The following RTTN variants were observed in gnomAD, a reference collection of about 807,000 sequenced individuals.
The protein encoded by RTTN is rotatin.
RTTN carries 182 observed loss-of-function variants against 269.2 expected under a neutral mutation model. That is an observed-to-expected ratio of 0.68 (90% CI 0.60 to 0.76). The LOEUF is 0.76. Among genes scored for constraint, RTTN ranks in the 30% least tolerant of loss-of-function variants. The pLI is 0.00. For missense variants in RTTN, 2,545 were observed against 2,608.6 expected (o/e 0.98, Z 0.53); for synonymous variants, 1,006 against 963.5 (o/e 1.04, Z -0.82).
chr18:70,203,216 T>C (rs1400467245), intron 3 of RTTN, among the ~76,000 whole-genome samples: 1 of 151,956 alleles, frequency 6.6e-6, no homozygotes, highest in Non-Finnish European at 1.5e-5. Context: ...TTTTTTTTTT[T>C]CGAGATGGAG....
intron 17 of RTTN, among the ~76,000 whole-genome samples, chr18:70,147,970 T>C (rs1453767282): frequency 6.6e-6 from 1 of 152,152 alleles, no homozygotes; most frequent in Non-Finnish European, 1.5e-5. Flanking sequence ...CCCTCTGCCC[T>C]ACTTCTTCCT....
At chr18:70,052,342 C>G (rs1241629800) in intron 38 of RTTN, among the ~76,000 whole-genome samples, 1 of 152,140 alleles carries the variant, frequency 6.6e-6, no homozygotes, top group Non-Finnish European at 1.5e-5. Flanking sequence ...TGTTTCTCAA[C>G]CCTTTTGTCA....
At chr18:70,134,627 G>T in intron 22 of RTTN, 86 bp from the exon 23 acceptor site, 1 of 830,250 alleles carries the variant, frequency 1.2e-6, no homozygotes, top group Non-Finnish European at 2.0e-6. Flanking sequence ...TCACTTCGTT[G>T]ACTGCAAATG....
chr18:70,161,870 A>T (rs573864778), intron 14 of RTTN, among the ~76,000 whole-genome samples: 4 of 152,234 alleles, frequency 2.6e-5, no homozygotes, highest in Non-Finnish European at 5.9e-5. Flanking sequence ...GGTTGGAGAG[A>T]AAAGGGAACA....
At chr18:70,054,586 C>A (rs936060899) in intron 37 of RTTN, among the ~76,000 whole-genome samples, 7 of 152,130 alleles carry the variant, frequency 4.6e-5, no homozygotes, top group Non-Finnish European at 8.8e-5. Context: ...TAATGCCAGT[C>A]CTTTGAGAGG....
chr18:70,032,766 T>C (rs1192478723), intron 40 of RTTN, among the ~76,000 whole-genome samples: 3 of 152,154 alleles, frequency 2.0e-5, no homozygotes, highest in Non-Finnish European at 4.4e-5. Context: ...ATTAGACAGA[T>C]AATCCAGGCA....
At chr18:70,026,152 T>C (rs2056846400) in intron 43 of RTTN, among the ~76,000 whole-genome samples, 1 of 152,242 alleles carries the variant, frequency 6.6e-6, no homozygotes, top group Non-Finnish European at 1.5e-5. Context: ...GATGATTCTA[T>C]TGAGGCCGCT....
At chr18:70,038,871 CAG>C (rs2057255253) in intron 40 of RTTN, among the ~76,000 whole-genome samples, 2 of 152,156 alleles carry the variant, frequency 1.3e-5, no homozygotes, top group Admixed American at 6.5e-5. Context: ...ATAAATTTAA[CAG>C]AGAGATTTAA....
At position 70,168,914 on chromosome 18, in the gene RTTN, C is replaced by T. The variant is rs1440303011; in HGVS notation, c.1630G>A (p.Ala544Thr). Residue 544 changes from alanine (A) to threonine (T), a missense_variant, in exon 12 of 49, where the codon GCA (alanine) becomes ACA (threonine). By Grantham distance (58) the Ala-to-Thr change is moderately conservative. Coordinates refer to ENST00000640769, the MANE Select transcript of RTTN (RefSeq NM_173630.4). ...SENYSIYKRT[A>T]EAVYSIECTC... The stretch of plus-strand genomic sequence containing the variant: ...CATTCAATTGAATAAACGGCCTCTG[C>T]AGTTCGTTTATAAATACTGTAGTTT... 6.2e-7 allele frequency: 1 copy of T among 1,613,328 alleles called. No homozygotes were observed. The highest frequency in any genetic ancestry group is 1.3e-5 in the African/African-American group (1 of 74,996).
chr18:70,201,316 T>C (rs1410931334), intron 4 of RTTN, among the ~76,000 whole-genome samples: 1 of 152,054 alleles, frequency 6.6e-6, no homozygotes, highest in Admixed American at 6.6e-5. Flanking sequence ...AAAAAACTCA[T>C]GTTCGGCCGG....
At chr18:70,063,713 C>G (rs2058053904) in intron 35 of RTTN, among the ~76,000 whole-genome samples, 1 of 152,122 alleles carries the variant, frequency 6.6e-6, no homozygotes, top group African/African-American at 2.4e-5. Flanking sequence ...CTAGAGCAAG[C>G]ATATATAGAA....
chr18:70,058,856 C>G (rs145237327), intron 36 of RTTN, among the ~76,000 whole-genome samples: 2 of 152,136 alleles, frequency 1.3e-5, no homozygotes, highest in Non-Finnish European at 2.9e-5. Context: ...GCGTATCATA[C>G]ATGTTAAAGG....
In RTTN at chr18:70,167,650, G is replaced by C. The variant is rs557474244; in HGVS notation, c.1690-619C>G. Among the ~76,000 whole-genome samples the C allele has an allele frequency of 8.0e-5, 12 of 150,886 alleles. No individual in the cohort carries two copies. In the East Asian group the frequency reaches 2.4e-3, roughly 30 times the overall value. The stretch of plus-strand genomic sequence containing the variant: ...AGGCGGGAGGTGGAGCTTGCAGTGC[G>C]CCAAGACTGCACCACTGCACTCCAG... On this transcript the variant is annotated intron_variant, in intron 12 of 48. Coordinates refer to ENST00000640769, the MANE Select transcript of RTTN (RefSeq NM_173630.4).
intron 26 of RTTN, among the ~76,000 whole-genome samples, chr18:70,117,918 T>A (rs9946031): frequency 0.096 from 14,545 of 151,916 alleles, 1,464 homozygotes; most frequent in African/African-American, 0.26. Flanking sequence ...AGGGAAATTT[T>A]AAAATATCAT....
chr18:70,067,352 G>GA (rs1314116694), intron 34 of RTTN, among the ~76,000 whole-genome samples: 5 of 152,152 alleles, frequency 3.3e-5, no homozygotes, highest in Non-Finnish European at 5.9e-5. Context: ...GTAGAGGCAG[G>GA]GTTTCACTGT....
rs573463389 is a variant in RTTN, at chr18:70,190,878, G to A, written c.1008-159C>T. 1.2e-4 allele frequency among the ~76,000 whole-genome samples: 18 copies of A among 152,250 alleles called. 1 individual carries two copies. The highest frequency in any genetic ancestry group is 5.9e-4 in the Admixed American group (9 of 15,294). On this transcript the variant is annotated intron_variant, in intron 8 of 48. Transcript: ENST00000640769. ...TTTGTAGAAACTTTGACAAATTTAC[G>A]AAATTAAATTCCATAAAGATGACTC...
chr18:70,077,742 CTAAA>C (rs1483941186), intron 32 of RTTN, among the ~76,000 whole-genome samples: 1 of 151,750 alleles, frequency 6.6e-6, no homozygotes, highest in Non-Finnish European at 1.5e-5. Flanking sequence ...AAATTTATAA[CTAAA>C]TCTATCAAAT....
chr18:70,034,542 T>C (rs2057113498), intron 40 of RTTN, among the ~76,000 whole-genome samples: 1 of 152,170 alleles, frequency 6.6e-6, no homozygotes, highest in Non-Finnish European at 1.5e-5. Context: ...AAGTAACATA[T>C]ATTAAAATAA....
At chr18:70,084,401 T>C (rs2058649313) in intron 32 of RTTN, among the ~76,000 whole-genome samples, 1 of 152,194 alleles carries the variant, frequency 6.6e-6, no homozygotes, top group Non-Finnish European at 1.5e-5. Context: ...AAAGACTGTT[T>C]GAATTTTAAA....
Sources: allele counts gnomAD v4.1 joint callset (sites outside exome capture counted in the v4.1 genomes callset), GRCh38; gene constraint gnomAD v4.1.1; transcripts MANE v1.5; gene names NCBI Gene and HGNC (gene_info 2026-07-23, HGNC 2026-07-21).